Variants in NCL observed in about 807,000 individuals in gnomAD.
The protein encoded by NCL is nucleolin multifunctional protein.
A neutral mutation model predicts 77.7 loss-of-function variants in NCL; 4 were observed. The observed-to-expected ratio is 0.05, with a 90% CI of 0.03 to 0.12. The LOEUF is 0.12. NCL is among the 10% of genes least tolerant of loss of function. NCL has a pLI of 1.00. For synonymous variants in NCL, 344 were observed against 297.8 expected, an observed-to-expected ratio of 1.16 and a Z score of -1.60; for missense variants, 763 against 860.9, an observed-to-expected ratio of 0.89 and a Z score of 1.42.
At position 231,455,443 on chromosome 2, in the gene NCL, C is replaced by A; in HGVS notation, c.2014G>T (p.Gly672Cys). The A allele has an allele frequency of 6.2e-7, 1 of 1,614,158 alleles. No homozygotes were observed. The highest frequency in any genetic ancestry group is 8.5e-7 in the Non-Finnish European group (1 of 1,180,030). ...CCTCTGCCACCAAATCCTCCTCGGCCTCCTCTACCACCACCTCGTCCTCCA... is the reference window on the plus strand; with the variant it reads ...CCTCTGCCACCAAATCCTCCTCGGCATCCTCTACCACCACCTCGTCCTCCA... ...GFGGRGGGRG[G>C]RGGFGGRGRG... Residue 672 changes from glycine to cysteine, a missense_variant, in exon 13 of 14, where the codon GGC (glycine) becomes TGC (cysteine). By Grantham distance (159) the Gly-to-Cys change is radical. Around this residue, in one of 2 missense-constraint regions of NCL, gnomAD observed 173 missense variants for 290.4 expected, o/e 0.60. Coordinates refer to ENST00000322723, the MANE Select transcript of NCL (RefSeq NM_005381.3).
chr2:231,464,020 G>A, intron 1 of NCL: 3 of 893,018 alleles, frequency 3.4e-6, no homozygotes, highest in Non-Finnish European at 4.3e-6. Context: ...CGTGCGTCAG[G>A]AGTCGAGTCC....
intron 6 of NCL, 140 bp downstream of exon 6, chr2:231,460,012 A>C: frequency 1.0e-6 from 1 of 998,170 alleles, no homozygotes; most frequent in Non-Finnish European, 1.5e-6. Context: ...GTTTAATTCT[A>C]ACTTAGTTCA....
rs2046981612 is a variant in NCL at position 231,464,443 on chromosome 2, C to A, written c.-90G>T. The A allele has an allele frequency of 2.6e-6, 4 of 1,518,518 alleles. No individual in the cohort carries two copies. Among genetic ancestry groups the A allele is most frequent in the East Asian group, 2.4e-5 (1 of 40,936 alleles). 94.1% of individuals were successfully genotyped at this position (1,518,518 alleles called of 1,614,324 possible). A position where few individuals can be genotyped will look rare whatever the true frequency, so the allele number is the denominator to read the frequency against. ...GATGGCGGCCGCGGGTGCTGAAGAT[C>A]CCGGAGCACGTACACCCGAAGGCCA... On this transcript the variant is annotated 5_prime_UTR_variant, in exon 1 of 14. Transcript: ENST00000322723.
rs534724754 is a variant in NCL at position 231,457,280 on chromosome 2, A to C, written c.1448-156T>G. On this transcript the variant is annotated intron_variant, in intron 9 of 13. Transcript: ENST00000322723. ...ATCCATTTCTGTTACTCAACATATT[A>C]AGTACCTAGTACGTGTTGCAATGTC... is the stretch of plus-strand genomic sequence containing the variant. 2.3e-4 allele frequency: 241 copies of C among 1,043,190 alleles called. 1 individual carries two copies. The African/African-American group carries it at 3.1e-3, about 13-fold the overall frequency. 64.6% of individuals were successfully genotyped at this position (1,043,190 alleles called of 1,614,324 possible). A position where few individuals can be genotyped will look rare whatever the true frequency, so the allele number is the denominator to read the frequency against.
intron 7 of NCL, 123 bp downstream of exon 7, chr2:231,458,878 G>T (rs550650107): frequency 7.7e-5 from 85 of 1,104,720 alleles, no homozygotes; most frequent in Non-Finnish European, 9.5e-5. Flanking sequence ...ACATTAAGAG[G>T]AAACCAAAGG....
intron 3 of NCL, among the ~76,000 whole-genome samples, chr2:231,461,138 G>C (rs1042516209): frequency 1.3e-5 from 2 of 152,044 alleles, no homozygotes; most frequent in Admixed American, 1.3e-4. Flanking sequence ...AATTAGTAGG[G>C]TGTGGTGGTG....
chr2:231,455,865 T>TAAAGACA, intron 12 of NCL, 145 bp downstream of exon 12: 4 of 1,360,056 alleles, frequency 2.9e-6, no homozygotes, highest in Non-Finnish European at 4.2e-6. Context: ...GCTAGTTCTG[T>TAAAGACA]GAATTCTCTC....
chr2:231,455,152 T>G lies in NCL; in HGVS notation c.*39A>C. The stretch of plus-strand genomic sequence containing the variant: ...GGTAACAGTAAAAACCCCAGAGTCC[T>G]TTCTTTCAAATGGAAAAGGGAAAGC... On this transcript the variant is annotated 3_prime_UTR_variant, in exon 14 of 14. Transcript: ENST00000322723. 1 of 1,612,126 alleles carries G rather than the reference T, an allele frequency of 6.2e-7. No individual in the cohort carries two copies. The highest frequency in any genetic ancestry group is 2.2e-5 in the East Asian group (1 of 44,876).
chr2:231,458,732 T>G (rs1185889056), intron 7 of NCL: 1 of 427,338 alleles, frequency 2.3e-6, no homozygotes, highest in Non-Finnish European at 4.1e-6. Context: ...AAGATCCCTT[T>G]ACGTTAATTT....
At chr2:231,460,926 A>C in intron 3 of NCL, 60 bp from the exon 4 acceptor site, 1 of 1,317,014 alleles carries the variant, frequency 7.6e-7, no homozygotes, top group Non-Finnish European at 1.1e-6. Context: ...CGGTTTTCAA[A>C]TCTAATGTAA....
chr2:231,454,981 C>T lies in NCL; in HGVS notation c.*210G>A. 1.9e-6 allele frequency: 1 copy of T among 538,602 alleles called. No homozygotes were observed. Among genetic ancestry groups the T allele is most frequent in the Non-Finnish European group, 3.3e-6 (1 of 303,492 alleles). 33.4% of individuals were successfully genotyped at this position (538,602 alleles called of 1,614,324 possible). A position where few individuals can be genotyped will look rare whatever the true frequency, so the allele number is the denominator to read the frequency against. ...ACTTACAGATAAGGGTTAGCTCTAT[C>T]ACTCAACTCTTTAAAAAGTTTATAT... is the stretch of plus-strand genomic sequence containing the variant. On this transcript the variant is annotated 3_prime_UTR_variant, in exon 14 of 14. Transcript: ENST00000322723.
chr2:231,455,041 T>G lies in NCL; in HGVS notation c.*150A>C. The stretch of plus-strand genomic sequence containing the variant: ...GTCAAAACCAACACGGTATTGCCCT[T>G]GAAATGTTAACTAGACGGATTTCCA... On this transcript the variant is annotated 3_prime_UTR_variant, in exon 14 of 14. Transcript: ENST00000322723. 3 of 830,210 alleles carry G rather than the reference T, an allele frequency of 3.6e-6. No individual in the cohort carries two copies. The highest frequency in any genetic ancestry group is 5.8e-6 in the Non-Finnish European group (3 of 519,038). The allele number at this position is 830,210 out of a possible 1,614,324, so 51.4% of individuals were successfully genotyped here.
At chr2:231,456,815 T>A (rs188348189) in intron 10 of NCL, 51 bp from the exon 11 acceptor site, 1 of 1,606,836 alleles carries the variant, frequency 6.2e-7, no homozygotes, top group Non-Finnish European at 8.5e-7. Context: ...ACATGCTCCT[T>A]CACTGTCACA....
In NCL at chr2:231,463,181, T is replaced by G. The variant is rs773852574; in HGVS notation, c.135+19A>C. ...TTTGTAGTTTTAACATAATTCTGCA[T>G]TAAGTTGGATAAAATTACCTCTTCT... On this transcript the variant is annotated intron_variant, in intron 2 of 13. Coordinates refer to ENST00000322723, the MANE Select transcript of NCL (RefSeq NM_005381.3). The G allele has an allele frequency of 6.6e-7, 1 of 1,520,122 alleles. No individual in the cohort carries two copies. The highest frequency in any genetic ancestry group is 2.0e-5 in the Admixed American group (1 of 50,116). 94.2% of individuals were successfully genotyped at this position (1,520,122 alleles called of 1,614,324 possible).
At position 231,464,078 on chromosome 2, in the gene NCL, G is replaced by A. The variant is rs557468926; in HGVS notation, c.18+258C>T. On this transcript the variant is annotated intron_variant, in intron 1 of 13. Transcript: ENST00000322723. ...TTTGGTCTCATCTCTCCACCCCGAG[G>A]CCCAGCGCCCCCTCCCCGCGCTCAG... is the stretch of plus-strand genomic sequence containing the variant. The A allele has an allele frequency of 6.9e-5, 93 of 1,338,270 alleles. No homozygotes were observed. The African/African-American group carries it at 1.3e-3, about 19-fold the overall frequency. 82.9% of individuals were successfully genotyped at this position (1,338,270 alleles called of 1,614,324 possible).
In NCL at chr2:231,457,060, T is replaced by C; in HGVS notation, c.1512A>G (p.Glu504=). The change falls in exon 10 of 14, where the codon GAA becomes GAG. Residue 504 remains glutamate, a synonymous_variant. Transcript: ENST00000322723. ...SYSATEETLQ[E]VFEKATFIKV... is the part of the protein sequence containing the mutation. ...TGATAAAAGTTGCTTTCTCAAATAC[T>C]TCCTGAAGAGTTTCTTCTGTTGCAC... The C allele has an allele frequency of 6.2e-7, 1 of 1,614,158 alleles. No homozygotes were observed. The highest frequency in any genetic ancestry group is 1.1e-5 in the South Asian group (1 of 91,080).
At position 231,459,017 on chromosome 2, in the gene NCL, T is replaced by G. The variant is rs1244741871; in HGVS notation, c.1149A>C (p.Gly383=). 1 of 1,595,558 alleles carries G rather than the reference T, an allele frequency of 6.3e-7. No individual in the cohort carries two copies. Among genetic ancestry groups the G allele is most frequent in the Non-Finnish European group, 8.5e-7 (1 of 1,173,186 alleles). The change falls in exon 7 of 14, where the codon GGA becomes GGC. Residue 383 remains glycine, a synonymous_variant. Coordinates refer to ENST00000322723, the MANE Select transcript of NCL (RefSeq NM_005381.3). ...CTTACATACCTTTCTTACTGTCTTT[T>G]CCTTTTGGTTTCTCTAGTTTAATTT... ...GNEIKLEKPK[G]KDSKKERDAR...
intron 7 of NCL, 69 bp from the exon 8 acceptor site, chr2:231,458,458 A>C: frequency 6.4e-7 from 1 of 1,561,376 alleles, no homozygotes; most frequent in Non-Finnish European, 8.7e-7. Flanking sequence ...CAACAAAAAG[A>C]GGGGAAAAAC....
rs755966494 is a variant in NCL, at chr2:231,460,689, T to G, written c.791A>C (p.Glu264Ala). ...EDDDDEDDEE[E>A]EEEEEEEPVK... ...AGTACCTTCCTCCTCCTCTTCTTCC[T>G]CCTCCTCATCATCTTCATCATCATC... is the stretch of plus-strand genomic sequence containing the variant. The change falls in exon 4 of 14, where the codon GAG (glutamate) becomes GCG (alanine). Residue 264 changes from glutamate to alanine, a missense_variant. By Grantham distance (107) the Glu-to-Ala change is moderately radical. Transcript: ENST00000322723. 1 of 1,610,104 alleles carries G rather than the reference T, an allele frequency of 6.2e-7. No individual in the cohort carries two copies. The highest frequency in any genetic ancestry group is 8.5e-7 in the Non-Finnish European group (1 of 1,178,862).
Sources: allele counts gnomAD v4.1 joint callset (sites outside exome capture counted in the v4.1 genomes callset), GRCh38; gene constraint gnomAD v4.1.1; regional missense constraint gnomAD v4.1.1; transcripts MANE v1.5; gene names NCBI Gene and HGNC (gene_info 2026-07-23, HGNC 2026-07-21).